The following RBFOX1 variants were observed in gnomAD, a reference collection of about 807,000 sequenced individuals.
RBFOX1 encodes the protein RNA binding protein fox-1 homolog 1.
Under a neutral mutation model 57.7 loss-of-function variants are expected in RBFOX1, and 8 were observed. The observed-to-expected ratio is 0.14, with a 90% CI of 0.08 to 0.25. The LOEUF (loss-of-function observed/expected upper bound fraction) is 0.25. Ranked by LOEUF, RBFOX1 falls within the 10% of genes least tolerant of loss-of-function variation. The probability of loss-of-function intolerance (pLI) is 1.00; values close to 1 mark genes in which losing one functional copy is unlikely to be tolerated. For missense variants in RBFOX1, 611 were observed against 548.5 expected, an observed-to-expected ratio of 1.11 and a Z score of -1.14; for synonymous variants, 326 against 222.4, an observed-to-expected ratio of 1.47 and a Z score of -4.15.
At chr16:5,765,386 A>C (rs1461802333) in intron 3 of RBFOX1, among the ~76,000 whole-genome samples, 1 of 152,192 alleles carries the variant, frequency 6.6e-6, no homozygotes, top group Non-Finnish European at 1.5e-5. Flanking sequence ...ATGTCTTTGG[A>C]GGGGAAAAAA....
At chr16:7,070,329 C>G (rs1011069303) in intron 4 of RBFOX1, among the ~76,000 whole-genome samples, 2 of 152,122 alleles carry the variant, frequency 1.3e-5, no homozygotes, top group East Asian at 3.9e-4. Flanking sequence ...AGATGCTTTC[C>G]TGGATAGAGA....
intron 4 of RBFOX1, among the ~76,000 whole-genome samples, chr16:7,415,069 T>A (rs1189587027): frequency 6.6e-6 from 1 of 152,234 alleles, no homozygotes; most frequent in Admixed American, 6.5e-5. Context: ...CATACAAAGA[T>A]TCAGACTTCA....
intron 2 of RBFOX1, among the ~76,000 whole-genome samples, chr16:5,559,604 G>A (rs1271048035): frequency 6.6e-6 from 1 of 152,128 alleles, no homozygotes; most frequent in African/African-American, 2.4e-5. Context: ...CTGCCCTAAA[G>A]GCGCCCCTCC....
chr16:5,869,025 G>T (rs1239497815), intron 4 of RBFOX1, among the ~76,000 whole-genome samples: 5 of 152,160 alleles, frequency 3.3e-5, no homozygotes, highest in Non-Finnish European at 5.9e-5. Context: ...ACAGAAGAGT[G>T]AACTGGGACT....
intron 3 of RBFOX1, among the ~76,000 whole-genome samples, chr16:5,862,619 G>T (rs1164829465): frequency 1.3e-5 from 2 of 152,140 alleles, no homozygotes; most frequent in African/African-American, 4.8e-5. Context: ...TAGAGACCGG[G>T]TTCAGTTTAC....
intron 3 of RBFOX1, among the ~76,000 whole-genome samples, chr16:6,913,526 C>T (rs929826651): frequency 1.3e-5 from 2 of 152,160 alleles, no homozygotes; most frequent in Admixed American, 6.5e-5. Flanking sequence ...GCCCGATGCC[C>T]AGCACTGAGC....
At chr16:7,389,247 T>G (rs2097945775) in intron 4 of RBFOX1, among the ~76,000 whole-genome samples, 2 of 152,112 alleles carry the variant, frequency 1.3e-5, no homozygotes, top group Admixed American at 6.6e-5. Flanking sequence ...TACCTCAGCC[T>G]CCTGAATAGC....
intron 4 of RBFOX1, among the ~76,000 whole-genome samples, chr16:7,404,959 C>A (rs1406336062): frequency 1.3e-5 from 2 of 152,028 alleles, no homozygotes; most frequent in Non-Finnish European, 2.9e-5. Flanking sequence ...ATGTCTACTC[C>A]CTCTAGTAGA....
At chr16:6,936,488 G>A (rs893253074) in intron 3 of RBFOX1, among the ~76,000 whole-genome samples, 1 of 152,108 alleles carries the variant, frequency 6.6e-6, no homozygotes, top group Non-Finnish European at 1.5e-5. Flanking sequence ...CCAACATTGA[G>A]TAATTGACTC....
At chr16:7,659,833 CT>C (rs1412299920) in intron 12 of RBFOX1, among the ~76,000 whole-genome samples, 2 of 151,956 alleles carry the variant, frequency 1.3e-5, no homozygotes, top group Admixed American at 6.6e-5. Context: ...TCTTTAAAGC[CT>C]TTTTTTGGAG....
chr16:7,366,088 A>G (rs938500291), intron 4 of RBFOX1, among the ~76,000 whole-genome samples: 2 of 152,166 alleles, frequency 1.3e-5, no homozygotes, highest in Non-Finnish European at 1.5e-5. Context: ...CCAATCAGCT[A>G]TGGCCTAGGT....
At chr16:7,006,762 GAAA>G (rs1363413484) in intron 3 of RBFOX1, among the ~76,000 whole-genome samples, 1 of 152,138 alleles carries the variant, frequency 6.6e-6, no homozygotes, top group African/African-American at 2.4e-5. Flanking sequence ...ATTTGATTAA[GAAA>G]AAGTAAACCC....
intron 1 of RBFOX1, among the ~76,000 whole-genome samples, chr16:5,345,289 G>C (rs1164899546): frequency 1.3e-5 from 2 of 152,158 alleles, no homozygotes; most frequent in African/African-American, 4.8e-5. Context: ...GTCAGGCCAA[G>C]GGGCCCCTTG....
At chr16:7,607,745 G>T (rs2056619952) in intron 10 of RBFOX1, among the ~76,000 whole-genome samples, 1 of 152,222 alleles carries the variant, frequency 6.6e-6, no homozygotes, top group South Asian at 2.1e-4. Context: ...AGAGAGTCGA[G>T]TTGGCTTAAT....
chr16:7,217,995 C>T (rs1302974494), intron 4 of RBFOX1, among the ~76,000 whole-genome samples: 1 of 150,580 alleles, frequency 6.6e-6, no homozygotes, highest in East Asian at 2.0e-4. Context: ...TGCATGTGTG[C>T]ACGTGCATGT....
At chr16:7,162,484 C>G (rs973231822) in intron 4 of RBFOX1, among the ~76,000 whole-genome samples, 1 of 150,568 alleles carries the variant, frequency 6.6e-6, no homozygotes, top group Non-Finnish European at 1.5e-5. Flanking sequence ...AACCCCAGCA[C>G]TTTGAGAGGT....
chr16:7,041,842 T>A (rs568044284), intron 3 of RBFOX1, among the ~76,000 whole-genome samples: 2 of 152,332 alleles, frequency 1.3e-5, no homozygotes, highest in South Asian at 4.1e-4. Context: ...TTTTTAAATG[T>A]GTTAAGTGCT....
At chr16:6,983,045 A>G (rs1373244658) in intron 3 of RBFOX1, among the ~76,000 whole-genome samples, 5 of 150,276 alleles carry the variant, frequency 3.3e-5, no homozygotes, top group African/African-American at 9.8e-5. Flanking sequence ...AGGCTCGAGC[A>G]TTTTGGTAAG....
At chr16:7,103,444 T>G (rs1053253449) in intron 4 of RBFOX1, among the ~76,000 whole-genome samples, 6 of 152,190 alleles carry the variant, frequency 3.9e-5, no homozygotes, top group Admixed American at 1.3e-4. Context: ...GAAGGCCACC[T>G]TCAGTCCTGC....
Sources: gnomAD v4.1 joint callset for allele counts (sites outside exome capture counted in the v4.1 genomes callset) on GRCh38, gnomAD v4.1.1 for gene constraint, MANE v1.5 for transcripts, NCBI Gene and HGNC (gene_info 2026-07-23, HGNC 2026-07-21) for gene names.